Variants in WWOX observed in about 807,000 individuals in gnomAD.
WWOX encodes WW domain-containing oxidoreductase.
In WWOX, 69 loss-of-function variants were observed where a neutral mutation model predicts 46.2. That is an observed-to-expected ratio of 1.49 (90% CI 1.23 to 1.82). The LOEUF (loss-of-function observed/expected upper bound fraction) is 1.82. Among genes scored for constraint, WWOX ranks in the 40% most tolerant of loss-of-function variants. The pLI is 0.00. For synonymous variants in WWOX, 359 were observed against 202.6 expected (o/e 1.77, Z -6.56); for missense variants, 919 against 542.6 (o/e 1.69, Z -6.89).
chr16:79,024,798 C>T (rs1337249078), intron 8 of WWOX, among the ~76,000 whole-genome samples: 2 of 152,118 alleles, frequency 1.3e-5, no homozygotes, highest in Non-Finnish European at 2.9e-5. Context: ...TCTCAAAATC[C>T]TGGCCTCAAG....
At chr16:78,401,403 C>G (rs916191621) in intron 6 of WWOX, among the ~76,000 whole-genome samples, 2 of 152,124 alleles carry the variant, frequency 1.3e-5, no homozygotes, top group African/African-American at 4.8e-5. Context: ...TTCTAATAGG[C>G]TGAAATAATG....
chr16:78,879,267 C>G (rs2656622), intron 8 of WWOX, among the ~76,000 whole-genome samples: 40,754 of 151,998 alleles, frequency 0.27, 5,869 homozygotes, highest in Middle Eastern at 0.42. Flanking sequence ...AATGTAAGAG[C>G]AAGTGAAGAT....
At chr16:78,208,756 T>C (rs1010962788) in intron 5 of WWOX, among the ~76,000 whole-genome samples, 1 of 152,226 alleles carries the variant, frequency 6.6e-6, no homozygotes, top group Non-Finnish European at 1.5e-5. Context: ...GTAAATGATA[T>C]CTTTGTAATG....
chr16:78,741,946 C>T (rs538785241), intron 8 of WWOX, among the ~76,000 whole-genome samples: 8 of 152,224 alleles, frequency 5.3e-5, no homozygotes, highest in African/African-American at 1.7e-4. Context: ...AAAGGATGTT[C>T]CACATTTAAC....
At chr16:79,054,409 T>C (rs969619330) in intron 8 of WWOX, among the ~76,000 whole-genome samples, 1 of 152,216 alleles carries the variant, frequency 6.6e-6, no homozygotes, top group Non-Finnish European at 1.5e-5. Flanking sequence ...AGGAAAATGC[T>C]TTTGGCGTGA....
At chr16:79,067,070 G>C (rs889366977) in intron 8 of WWOX, among the ~76,000 whole-genome samples, 2 of 152,146 alleles carry the variant, frequency 1.3e-5, no homozygotes, top group Non-Finnish European at 2.9e-5. Context: ...ATAAGAAGGT[G>C]GTTATTAGTG....
rs557567171 is a variant in WWOX, at chr16:78,348,968, T to C, written c.517-37892T>C. 3.2e-4 allele frequency among the ~76,000 whole-genome samples: 39 copies of C among 120,708 alleles called. 8 individuals are homozygous for C. Among genetic ancestry groups the C allele is most frequent in the African/African-American group, 1.1e-3 (39 of 35,618 alleles). The allele number at this position is 120,708 out of a possible 152,430, so 79.2% of individuals were successfully genotyped here. On this transcript the variant is annotated intron_variant, in intron 5 of 8. Transcript: ENST00000566780. ...AGAGGAAGTCTGAACGAGGGCCACATTGCAGATAGAGGCCGGTGTACTGGT... is the reference window on the plus strand; with the variant it reads ...AGAGGAAGTCTGAACGAGGGCCACACTGCAGATAGAGGCCGGTGTACTGGT...
At chr16:78,170,809 A>C (rs1282517288) in intron 5 of WWOX, among the ~76,000 whole-genome samples, 1 of 152,274 alleles carries the variant, frequency 6.6e-6, no homozygotes, top group Non-Finnish European at 1.5e-5. Context: ...GGTTTATATC[A>C]AAATGATTAT....
intron 8 of WWOX, among the ~76,000 whole-genome samples, chr16:78,721,164 C>A (rs185189755): frequency 4.3e-4 from 65 of 152,258 alleles, no homozygotes; most frequent in Non-Finnish European, 1.5e-5. Context: ...ATATGTCCCA[C>A]AATTGGCAAG....
intron 8 of WWOX, among the ~76,000 whole-genome samples, chr16:78,433,198 T>G (rs1463569341): frequency 6.6e-6 from 1 of 152,190 alleles, no homozygotes; most frequent in African/African-American, 2.4e-5. Flanking sequence ...CTGTATCTTT[T>G]GTTCTAAATT....
chr16:78,669,462 A>C (rs1348497459), intron 8 of WWOX, among the ~76,000 whole-genome samples: 1 of 152,218 alleles, frequency 6.6e-6, no homozygotes, highest in African/African-American at 2.4e-5. Flanking sequence ...AGCAGGAAGA[A>C]GTGCTACTGT....
At chr16:78,705,124 A>C (rs956466325) in intron 8 of WWOX, among the ~76,000 whole-genome samples, 1 of 152,122 alleles carries the variant, frequency 6.6e-6, no homozygotes, top group African/African-American at 2.4e-5. Context: ...TTTCAGTGTT[A>C]GAGAAAAGGC....
At chr16:78,703,278 T>C (rs1029023948) in intron 8 of WWOX, among the ~76,000 whole-genome samples, 2 of 152,170 alleles carry the variant, frequency 1.3e-5, no homozygotes, top group African/African-American at 4.8e-5. Context: ...GTTTCTCTCA[T>C]AAGTCAGCTT....
intron 8 of WWOX, among the ~76,000 whole-genome samples, chr16:78,774,620 T>G (rs1001283850): frequency 6.6e-6 from 1 of 151,818 alleles, no homozygotes; most frequent in Non-Finnish European, 1.5e-5. Context: ...TCCTGGCACA[T>G]GGCGTTGTTC....
At chr16:78,656,927 G>T (rs146726538) in intron 8 of WWOX, among the ~76,000 whole-genome samples, 1 of 152,186 alleles carries the variant, frequency 6.6e-6, no homozygotes, top group Non-Finnish European at 1.5e-5. Context: ...ATACACCGCT[G>T]CTCTGACCAT....
intron 8 of WWOX, among the ~76,000 whole-genome samples, chr16:79,156,125 A>C (rs151240228): frequency 3.9e-4 from 59 of 152,300 alleles, no homozygotes; most frequent in African/African-American, 1.4e-3. Context: ...GTTACTACTA[A>C]CAGTGCTAAT....
chr16:78,598,482 G>A (rs139235016), intron 8 of WWOX, among the ~76,000 whole-genome samples: 1,701 of 152,214 alleles, frequency 0.011, 24 homozygotes, highest in Non-Finnish European at 0.013. Context: ...ATTTTGCTCT[G>A]ATACAATTCA....
chr16:78,540,047 C>CAT (rs1169580692), intron 8 of WWOX, among the ~76,000 whole-genome samples: 2 of 151,440 alleles, frequency 1.3e-5, no homozygotes, highest in African/African-American at 4.9e-5. Context: ...CACACACACA[C>CAT]AGCCAAATCA....
intron 8 of WWOX, among the ~76,000 whole-genome samples, chr16:79,134,477 C>G (rs554737190): frequency 2.0e-5 from 3 of 152,104 alleles, no homozygotes; most frequent in Non-Finnish European, 4.4e-5. Context: ...AGAATGAGGT[C>G]GAGGTCATTG....
Sources: gnomAD v4.1 joint callset for allele counts (sites outside exome capture counted in the v4.1 genomes callset) on GRCh38, gnomAD v4.1.1 for gene constraint, MANE v1.5 for transcripts, NCBI Gene and HGNC (gene_info 2026-07-23, HGNC 2026-07-21) for gene names.